Variants in FNDC3A observed in about 807,000 individuals in gnomAD.
The protein encoded by FNDC3A is fibronectin type III domain containing 3A, also known as fibronectin type-III domain-containing protein 3A.
FNDC3A carries 32 observed loss-of-function variants against 148.9 expected under a neutral mutation model. The observed-to-expected ratio is 0.21, with a 90% CI of 0.16 to 0.29. FNDC3A has a LOEUF of 0.29. FNDC3A is among the 10% of genes least tolerant of loss of function. FNDC3A has a pLI of 1.00. For synonymous variants in FNDC3A, 472 were observed against 473.6 expected, an observed-to-expected ratio of 1.00 and a Z score of 0.04; for missense variants, 1,191 against 1,452.8, an observed-to-expected ratio of 0.82 and a Z score of 2.93.
chr13:49,209,387 A>G lies in FNDC3A; in HGVS notation c.*1992A>G, dbSNP rs1886795230. On this transcript the variant is annotated 3_prime_UTR_variant, in exon 26 of 26. Transcript: ENST00000492622. ...AGAGGAGAAAACAATTTTTAATGTA[A>G]TCTTGATTTTACCTCATATACTGTA... 1.3e-5 allele frequency: 2 copies of G among 152,644 alleles called. No individual in the cohort carries two copies. The highest frequency in any genetic ancestry group is 4.1e-4 in the South Asian group (2 of 4,832). The allele number at this position is 152,644 out of a possible 1,614,324, so 9.5% of individuals were successfully genotyped here. A position where few individuals can be genotyped will look rare whatever the true frequency, so the allele number is the denominator to read the frequency against.
intron 19 of FNDC3A, among the ~76,000 whole-genome samples, chr13:49,194,726 C>A (rs1468674553): frequency 6.6e-6 from 1 of 152,060 alleles, no homozygotes; most frequent in East Asian, 1.9e-4. Flanking sequence ...AATAGCCCAG[C>A]ATTGCCTTAA....
At chr13:49,193,273 CT>C (rs1210532859) in intron 19 of FNDC3A, among the ~76,000 whole-genome samples, 2 of 151,242 alleles carry the variant, frequency 1.3e-5, no homozygotes, top group Admixed American at 6.6e-5. Flanking sequence ...GATAGACAGA[CT>C]TTTTTTTTGA....
intron 2 of FNDC3A, among the ~76,000 whole-genome samples, chr13:49,048,174 A>G (rs751594119): frequency 1.2e-4 from 19 of 152,200 alleles, no homozygotes; most frequent in Admixed American, 2.6e-4. Context: ...TACCAGTACC[A>G]TGCTGTTTTG....
intron 5 of FNDC3A, 72 bp from the exon 6 acceptor site, chr13:49,136,260 G>C: frequency 7.8e-7 from 1 of 1,290,240 alleles, no homozygotes; most frequent in Non-Finnish European, 1.1e-6. Flanking sequence ...TTTATTTTCT[G>C]TTCTTTTTTC....
intron 1 of FNDC3A, among the ~76,000 whole-genome samples, chr13:49,004,171 A>G (rs548449148): frequency 6.6e-6 from 1 of 152,278 alleles, no homozygotes; most frequent in African/African-American, 2.4e-5. Context: ...AGAAGATAAG[A>G]CTAGAATGTA....
Position 49,167,284 on chromosome 13 carries a change from G to T in FNDC3A, c.1018G>T (p.Ala340Ser). Residue 340 changes from alanine to serine, a missense_variant, in exon 9 of 26, where the codon GCC becomes TCC. Physicochemically the swap from Ala to Ser is moderately conservative, Grantham distance 99. This residue lies in a region of FNDC3A where 426 missense variants were observed against 473.2 expected (regional missense o/e 0.90). Coordinates refer to ENST00000492622, the MANE Select transcript of FNDC3A (RefSeq NM_001079673.2). ...TNITLNDLKP[A>S]MDYHAKVQAE... ...TATCACTTTAAATGATCTCAAGCCA[G>T]CCATGGATTACCATGCAAAGTAAGG... 6.2e-7 allele frequency: 1 copy of T among 1,603,108 alleles called. No individual in the cohort carries two copies. Among genetic ancestry groups the T allele is most frequent in the Non-Finnish European group, 8.5e-7 (1 of 1,173,510 alleles).
chr13:49,038,826 T>C (rs1021521739), intron 2 of FNDC3A, among the ~76,000 whole-genome samples: 4 of 152,216 alleles, frequency 2.6e-5, no homozygotes, highest in Admixed American at 2.6e-4. Flanking sequence ...AGTTAACTTA[T>C]ATCTGTAAAA....
chr13:49,192,414 C>T (rs1358945507), intron 19 of FNDC3A, among the ~76,000 whole-genome samples: 1 of 152,114 alleles, frequency 6.6e-6, no homozygotes, highest in Non-Finnish European at 1.5e-5. Flanking sequence ...TCTACCTCAG[C>T]CTCCCAAGTA....
At chr13:49,081,227 T>G (rs1268774133) in intron 3 of FNDC3A, among the ~76,000 whole-genome samples, 3 of 152,184 alleles carry the variant, frequency 2.0e-5, no homozygotes, top group African/African-American at 7.2e-5. Flanking sequence ...GGTTTTGCAT[T>G]GTTATGGCAC....
chr13:49,148,272 A>G (rs1032787352), intron 8 of FNDC3A, among the ~76,000 whole-genome samples: 1 of 152,040 alleles, frequency 6.6e-6, no homozygotes, highest in Admixed American at 6.6e-5. Context: ...GGGTCTTAGC[A>G]TAAAATCTTT....
chr13:49,119,539 T>C (rs533842202), intron 4 of FNDC3A, among the ~76,000 whole-genome samples: 1 of 151,968 alleles, frequency 6.6e-6, no homozygotes, highest in African/African-American at 2.4e-5. Flanking sequence ...AACAAACTCC[T>C]CTGAGCTAAA....
chr13:49,119,166 G>T (rs986755659), intron 4 of FNDC3A, among the ~76,000 whole-genome samples: 1 of 152,198 alleles, frequency 6.6e-6, no homozygotes, highest in African/African-American at 2.4e-5. Context: ...AGAACAGGCA[G>T]CAGTCTTTGC....
intron 10 of FNDC3A, among the ~76,000 whole-genome samples, chr13:49,169,889 A>G (rs1004406086): frequency 1.3e-5 from 2 of 152,140 alleles, no homozygotes; most frequent in South Asian, 2.1e-4. Context: ...AGTATGACTA[A>G]TTTTATTTCG....
At chr13:49,004,302 A>G (rs1273466648) in intron 1 of FNDC3A, among the ~76,000 whole-genome samples, 1 of 152,064 alleles carries the variant, frequency 6.6e-6, no homozygotes, top group African/African-American at 2.4e-5. Context: ...TTGCAGGGTA[A>G]AAGTTTTGAA....
chr13:49,127,316 T>G (rs1489127109), intron 4 of FNDC3A, among the ~76,000 whole-genome samples: 1 of 152,242 alleles, frequency 6.6e-6, no homozygotes, highest in African/African-American at 2.4e-5. Flanking sequence ...TCACTACTTG[T>G]ATGAGCCACC....
At chr13:49,028,172 G>A (rs563139352) in intron 2 of FNDC3A, among the ~76,000 whole-genome samples, 15 of 151,756 alleles carry the variant, frequency 9.9e-5, no homozygotes, top group East Asian at 3.9e-4. Context: ...CTGAGATTGC[G>A]CCACTGTACT....
At chr13:49,107,570 C>T (rs1880275943) in intron 3 of FNDC3A, among the ~76,000 whole-genome samples, 3 of 151,926 alleles carry the variant, frequency 2.0e-5, no homozygotes, top group African/African-American at 7.3e-5. Context: ...AGTGAAGGAA[C>T]AATGCTTCTT....
At chr13:49,028,806 G>C (rs1873912323) in intron 2 of FNDC3A, among the ~76,000 whole-genome samples, 1 of 152,110 alleles carries the variant, frequency 6.6e-6, no homozygotes, top group South Asian at 2.1e-4. Context: ...GCCTTCAATA[G>C]GTAGAATATT....
At chr13:49,040,834 T>C (rs1029349206) in intron 2 of FNDC3A, among the ~76,000 whole-genome samples, 5 of 152,250 alleles carry the variant, frequency 3.3e-5, no homozygotes, top group Non-Finnish European at 5.9e-5. Flanking sequence ...GTCACACTTA[T>C]AAGAGTTACT....
Sources: allele counts gnomAD v4.1 joint callset (sites outside exome capture counted in the v4.1 genomes callset), GRCh38; gene constraint gnomAD v4.1.1; regional missense constraint gnomAD v4.1.1; transcripts MANE v1.5; gene names NCBI Gene and HGNC (gene_info 2026-07-23, HGNC 2026-07-21).